Variants in WWOX observed in about 807,000 individuals in gnomAD.
The protein encoded by WWOX is WW domain-containing oxidoreductase.
Under a neutral mutation model 46.2 loss-of-function variants are expected in WWOX, and 69 were observed. That is an observed-to-expected ratio of 1.49 (90% CI 1.23 to 1.82). The LOEUF is 1.82. Among genes scored for constraint, WWOX ranks in the 40% most tolerant of loss-of-function variants. WWOX has a pLI of 0.00. For missense variants in WWOX, 919 were observed against 542.6 expected (o/e 1.69, Z -6.89); for synonymous variants, 359 against 202.6 (o/e 1.77, Z -6.56).
chr16:79,077,734 A>C (rs1013634599), intron 8 of WWOX, among the ~76,000 whole-genome samples: 2 of 151,754 alleles, frequency 1.3e-5, no homozygotes, highest in African/African-American at 4.8e-5. Context: ...AGAAATAATA[A>C]TCTTTCCAAA....
At chr16:78,820,332 C>T (rs1456550721) in intron 8 of WWOX, among the ~76,000 whole-genome samples, 1 of 152,188 alleles carries the variant, frequency 6.6e-6, no homozygotes, top group Non-Finnish European at 1.5e-5. Flanking sequence ...GCATGCCCTC[C>T]AACAGTGGAA....
intron 8 of WWOX, among the ~76,000 whole-genome samples, chr16:78,567,777 A>G (rs1019533404): frequency 3.3e-5 from 5 of 151,920 alleles, no homozygotes; most frequent in South Asian, 2.1e-4. Flanking sequence ...TTCTCCCGCA[A>G]CTGGGCCACC....
chr16:79,048,418 CG>C (rs1407975265), intron 8 of WWOX, among the ~76,000 whole-genome samples: 9 of 151,994 alleles, frequency 5.9e-5, no homozygotes, highest in African/African-American at 2.2e-4. Flanking sequence ...AACTGATTAC[CG>C]TCCCCCGTGA....
At chr16:78,276,451 A>T (rs1307446388) in intron 5 of WWOX, among the ~76,000 whole-genome samples, 1 of 152,206 alleles carries the variant, frequency 6.6e-6, no homozygotes, top group Non-Finnish European at 1.5e-5. Flanking sequence ...GATGTCAAGG[A>T]ACAATGCACA....
chr16:78,237,540 G>T (rs2037483234), intron 5 of WWOX: 1 of 152,090 alleles, frequency 6.6e-6, no homozygotes, highest in Non-Finnish European at 1.5e-5. Flanking sequence ...AATCACCAGT[G>T]GTTCTCACTC....
At chr16:78,230,815 CACAATA>C (rs1292657304) in intron 5 of WWOX, among the ~76,000 whole-genome samples, 1 of 152,234 alleles carries the variant, frequency 6.6e-6, no homozygotes, top group Non-Finnish European at 1.5e-5. Context: ...GAACACCTAT[CACAATA>C]TGTGTTCTCA....
At chr16:79,142,309 G>A in intron 8 of WWOX, among the ~76,000 whole-genome samples, 1 of 152,180 alleles carries the variant, frequency 6.6e-6, no homozygotes, top group East Asian at 1.9e-4. Flanking sequence ...GAGATGGGAA[G>A]TTAGAGTAGA....
At chr16:78,167,730 G>A (rs1001143807) in intron 5 of WWOX, 2 of 152,050 alleles carry the variant, frequency 1.3e-5, no homozygotes, top group Admixed American at 1.3e-4. Flanking sequence ...TCATTCCATT[G>A]CACCATTCAT....
At chr16:79,132,664 C>G (rs1230573042) in intron 8 of WWOX, among the ~76,000 whole-genome samples, 1 of 151,874 alleles carries the variant, frequency 6.6e-6, no homozygotes, top group Non-Finnish European at 1.5e-5. Context: ...TAGGACCTTG[C>G]TAAGTTATTA....
At chr16:79,129,087 G>C (rs899990329) in intron 8 of WWOX, among the ~76,000 whole-genome samples, 2 of 152,042 alleles carry the variant, frequency 1.3e-5, no homozygotes, top group East Asian at 1.9e-4. Context: ...TTGCAAGTAT[G>C]GATCTTGATA....
intron 8 of WWOX, among the ~76,000 whole-genome samples, chr16:79,005,628 C>T (rs996003011): frequency 1.3e-5 from 2 of 152,124 alleles, no homozygotes; most frequent in African/African-American, 4.8e-5. Context: ...GTCTTCTCAC[C>T]ACCATCTTCC....
chr16:78,551,120 T>A (rs2044162420), intron 8 of WWOX: 1 of 152,146 alleles, frequency 6.6e-6, no homozygotes, highest in African/African-American at 2.4e-5. Flanking sequence ...ATATATTCCA[T>A]GAAACAGATA....
At position 78,788,346 on chromosome 16, in the gene WWOX, A is replaced by G. The variant is rs927821550; in HGVS notation, c.1056+355594A>G. Among the ~76,000 whole-genome samples, 5 of 152,230 alleles carry G rather than the reference A, an allele frequency of 3.3e-5. No homozygotes were observed. The East Asian group carries it at 5.8e-4, about 18-fold the overall frequency. ...TTGCCTGTGTTAGGCATCAGGAAAC[A>G]GAATCTCTTTGTCTCCTGTCCTTCT... On this transcript the variant is annotated intron_variant, in intron 8 of 8. Coordinates refer to ENST00000566780, the MANE Select transcript of WWOX (RefSeq NM_016373.4).
intron 8 of WWOX, among the ~76,000 whole-genome samples, chr16:79,030,193 A>G (rs2047725350): frequency 6.6e-6 from 1 of 152,262 alleles, no homozygotes; most frequent in Non-Finnish European, 1.5e-5. Context: ...TTAAAAATGC[A>G]TGTCTGTTAG....
intron 6 of WWOX, among the ~76,000 whole-genome samples, chr16:78,400,442 C>A (rs779495161): frequency 6.6e-6 from 1 of 152,166 alleles, no homozygotes; most frequent in South Asian, 2.1e-4. Flanking sequence ...ACACTGCAGT[C>A]TGGCTGTCAC....
chr16:78,425,259 G>A (rs1029631888), intron 7 of WWOX, among the ~76,000 whole-genome samples: 2 of 152,092 alleles, frequency 1.3e-5, no homozygotes, highest in African/African-American at 2.4e-5. Flanking sequence ...CTAGAGCAAG[G>A]AAGATTGTTT....
intron 8 of WWOX, among the ~76,000 whole-genome samples, chr16:78,975,397 C>T (rs534631515): frequency 4.6e-5 from 7 of 151,728 alleles, no homozygotes; most frequent in East Asian, 3.9e-4. Flanking sequence ...CAAAATCTTA[C>T]GTGGTCCTGG....
intron 8 of WWOX, among the ~76,000 whole-genome samples, chr16:78,851,396 G>T (rs1314682224): frequency 6.6e-6 from 1 of 152,236 alleles, no homozygotes; most frequent in African/African-American, 2.4e-5. Flanking sequence ...CTTATAGGCA[G>T]AAGTACGGGT....
chr16:78,850,240 A>T (rs2052408345), intron 8 of WWOX, among the ~76,000 whole-genome samples: 2 of 152,090 alleles, frequency 1.3e-5, no homozygotes, highest in Non-Finnish European at 2.9e-5. Context: ...ATGTGTCATC[A>T]CTCCAGACAA....
Sources: gnomAD v4.1 joint callset for allele counts (sites outside exome capture counted in the v4.1 genomes callset) on GRCh38, gnomAD v4.1.1 for gene constraint, MANE v1.5 for transcripts, NCBI Gene and HGNC (gene_info 2026-07-23, HGNC 2026-07-21) for gene names.